The following GDA variants were observed in gnomAD, a reference collection of about 807,000 sequenced individuals.
The protein encoded by GDA is cytoplasmic PSD-95 interactor.
GDA carries 18 observed loss-of-function variants against 59.6 expected under a neutral mutation model. That is an observed-to-expected ratio of 0.30 (90% CI 0.21 to 0.45). The LOEUF is 0.45. Among genes scored for constraint, GDA ranks in the 20% least tolerant of loss-of-function variants. GDA has a pLI of 1.00. For missense variants in GDA, 427 were observed against 552.3 expected (o/e 0.77, Z 2.27); for synonymous variants, 201 against 201.1 (o/e 1.00, Z 0.00).
At chr9:72,146,642 C>A (rs1826647981), upstream of GDA, among the ~76,000 whole-genome samples, 1 of 152,124 alleles carries the variant, frequency 6.6e-6, no homozygotes, top group Non-Finnish European at 1.5e-5. Context: ...AGGTGTGCGC[C>A]ACCACACTTG....
chr9:72,242,071 T>C (rs1206308415), intron 11 of GDA, among the ~76,000 whole-genome samples: 7 of 152,156 alleles, frequency 4.6e-5, no homozygotes, highest in African/African-American at 1.7e-4. Flanking sequence ...ACCACCACTG[T>C]TATTCATTTC....
intron 11 of GDA, among the ~76,000 whole-genome samples, chr9:72,241,608 C>A (rs1331842837): frequency 3.3e-5 from 5 of 152,084 alleles, no homozygotes; most frequent in African/African-American, 1.2e-4. Context: ...AGGCCAGGTA[C>A]CTAAGAATCA....
At chr9:72,160,478 A>G (rs189193466) in intron 1 of GDA, among the ~76,000 whole-genome samples, 1 of 152,342 alleles carries the variant, frequency 6.6e-6, no homozygotes, top group Non-Finnish European at 1.5e-5. Context: ...ATGGACACAT[A>G]TAATACATAA....
intron 4 of GDA, 24 bp downstream of exon 4, chr9:72,210,798 T>G (rs745944565): frequency 1.4e-6 from 2 of 1,428,352 alleles, no homozygotes; most frequent in East Asian, 2.3e-5. Flanking sequence ...GCATGATTTA[T>G]GGGCACCTCA....
intron 1 of GDA, among the ~76,000 whole-genome samples, chr9:72,182,622 T>C (rs1272483142): frequency 1.3e-5 from 2 of 152,208 alleles, no homozygotes; most frequent in African/African-American, 4.8e-5. Context: ...AAATAAACTT[T>C]GTGGGGAGAT....
chr9:72,116,386 C>CTTTTT (rs201791483), intron 1 of GDA, among the ~76,000 whole-genome samples: 2 of 128,322 alleles, frequency 1.6e-5, no homozygotes, highest in Admixed American at 8.3e-5. Context: ...TTTCCCCAGC[C>CTTTTT]TTTTTTTTTT....
rs780378291 is a variant in GDA at position 72,228,096 on chromosome 9, G to C, written c.920+56G>C. On this transcript the variant is annotated intron_variant, in intron 9 of 13. Transcript: ENST00000358399. ...CGAATGATTGGGTTGCAGATTAGCA[G>C]CCAAATGCCTTTGTTTCCTCTGTCA... The C allele has an allele frequency of 3.2e-5, 31 of 961,228 alleles. No individual in the cohort carries two copies. The African/African-American group carries it at 4.8e-4, about 15-fold the overall frequency. The allele number at this position is 961,228 out of a possible 1,614,324, so 59.5% of individuals were successfully genotyped here.
intron 11 of GDA, among the ~76,000 whole-genome samples, chr9:72,242,946 G>A (rs954335146): frequency 1.1e-4 from 16 of 152,156 alleles, no homozygotes; most frequent in African/African-American, 3.1e-4. Context: ...GTCAGCATGG[G>A]TGCCTACCAA....
At position 72,223,107 on chromosome 9, in the gene GDA, T is replaced by C. The variant is rs34979271; in HGVS notation, c.607-13T>C. The C allele has an allele frequency of 0.15, 204,686 of 1,340,490 alleles. 16,945 individuals carry two copies. The highest frequency in any genetic ancestry group is 0.26 in the Middle Eastern group (1,429 of 5,514). The allele number at this position is 1,340,490 out of a possible 1,614,324, so 83.0% of individuals were successfully genotyped here. On this transcript the variant is annotated splice_polypyrimidine_tract_variant and intron_variant, in intron 6 of 13. Coordinates refer to ENST00000358399, the MANE Select transcript of GDA (RefSeq NM_004293.5). ...GTAAGGAAGAGGTATCAATTGTTTTTAATTATCTCCAGTATTCTAGAGTGA... is the reference window on the plus strand; with the variant it reads ...GTAAGGAAGAGGTATCAATTGTTTTCAATTATCTCCAGTATTCTAGAGTGA...
intron 9 of GDA, among the ~76,000 whole-genome samples, chr9:72,229,741 A>G (rs1272795031): frequency 1.3e-5 from 2 of 152,204 alleles, no homozygotes; most frequent in African/African-American, 2.4e-5. Context: ...TTGGAAATCT[A>G]GGGACTTTGC....
chr9:72,197,344 G>T (rs1286687050), intron 2 of GDA: 1 of 152,258 alleles, frequency 6.6e-6, no homozygotes, highest in Non-Finnish European at 1.5e-5. Context: ...GCATGGAAAT[G>T]AATATAGTAG....
intron 1 of GDA, among the ~76,000 whole-genome samples, chr9:72,117,637 G>A (rs1014522566): frequency 6.6e-6 from 1 of 152,188 alleles, no homozygotes; most frequent in Non-Finnish European, 1.5e-5. Context: ...GTAAAAGTGA[G>A]GAAATCTTTC....
downstream of GDA, chr9:72,253,486 A>C (rs1266321745): frequency 1.3e-5 from 2 of 152,118 alleles, no homozygotes; most frequent in East Asian, 3.9e-4. Flanking sequence ...CTGAGCTTTG[A>C]CAGACCTGCC....
chr9:72,133,299 A>AT (rs1481794431), intron 1 of GDA, among the ~76,000 whole-genome samples: 43 of 77,820 alleles, frequency 5.5e-4, no homozygotes, highest in South Asian at 2.0e-3. Context: ...AAAAAAAAAA[A>AT]AAAAAAAAAA....
chr9:72,146,493 G>A (rs1826637434), upstream of GDA, among the ~76,000 whole-genome samples: 1 of 152,022 alleles, frequency 6.6e-6, no homozygotes. Context: ...GCAATTTAAA[G>A]GAGTTGCCAC....
rs1286602888 is a variant in GDA, at chr9:72,195,605, T to C, written c.212+17T>C. ...GAGCCACCAGTAAGTTGTTACTTCTTCCCTTTTACTGGGTGCCACTAATAA... is the reference window on the plus strand; with the variant it reads ...GAGCCACCAGTAAGTTGTTACTTCTCCCCTTTTACTGGGTGCCACTAATAA... On this transcript the variant is annotated intron_variant, in intron 2 of 13. Coordinates refer to ENST00000358399, the MANE Select transcript of GDA (RefSeq NM_004293.5). 6 of 1,197,192 alleles carry C rather than the reference T, an allele frequency of 5.0e-6. No homozygotes were observed. The highest frequency in any genetic ancestry group is 7.2e-6 in the Non-Finnish European group (6 of 828,622). The allele number at this position is 1,197,192 out of a possible 1,614,324, so 74.2% of individuals were successfully genotyped here. A position where few individuals can be genotyped will look rare whatever the true frequency, so the allele number is the denominator to read the frequency against.
intron 12 of GDA, among the ~76,000 whole-genome samples, chr9:72,246,181 CT>C (rs1840116744): frequency 6.6e-6 from 1 of 152,118 alleles, no homozygotes; most frequent in Non-Finnish European, 1.5e-5. Flanking sequence ...GAGTTTTGCT[CT>C]TGTCGCCCAG....
At chr9:72,170,345 A>G (rs1563926265) in intron 1 of GDA, among the ~76,000 whole-genome samples, 2 of 152,262 alleles carry the variant, frequency 1.3e-5, no homozygotes, top group Non-Finnish European at 1.5e-5. Flanking sequence ...GTGAATGTAT[A>G]TATAGACAAA....
intron 1 of GDA, among the ~76,000 whole-genome samples, chr9:72,152,288 G>A (rs1295239922): frequency 6.6e-6 from 1 of 152,118 alleles, no homozygotes; most frequent in Non-Finnish European, 1.5e-5. Context: ...TCCTTATTTT[G>A]TATAACTTCG....
Sources: allele counts gnomAD v4.1 joint callset (sites outside exome capture counted in the v4.1 genomes callset), GRCh38; gene constraint gnomAD v4.1.1; transcripts MANE v1.5; gene names NCBI Gene and HGNC (gene_info 2026-07-23, HGNC 2026-07-21).